Variants in FBXL17 observed in about 807,000 individuals in gnomAD.
FBXL17 encodes F-box/LRR-repeat protein 17.
In FBXL17, 22 loss-of-function variants were observed where a neutral mutation model predicts 66.2. The ratio of observed to expected loss-of-function variants is 0.33; its 90% CI spans 0.24 to 0.47. The LOEUF is 0.47. FBXL17 is among the 20% of genes least tolerant of loss of function. The pLI, the probability that FBXL17 is intolerant of heterozygous loss-of-function variation, is 1.00. For missense variants in FBXL17, 878 were observed against 948.2 expected (o/e 0.93, Z 0.97); for synonymous variants, 474 against 400.5 (o/e 1.18, Z -2.19).
intron 4 of FBXL17, chr5:108,298,012 C>T (rs1758418993): frequency 2.0e-6 from 2 of 984,560 alleles, no homozygotes; most frequent in African/African-American, 3.5e-5. Flanking sequence ...GCTACAGTCA[C>T]CAAAAGCAAT....
chr5:108,379,261 A>G (rs1273068152), intron 1 of FBXL17, among the ~76,000 whole-genome samples: 1 of 152,196 alleles, frequency 6.6e-6, no homozygotes, highest in Non-Finnish European at 1.5e-5. Flanking sequence ...TATTTGCCAA[A>G]TAAGAAGACA....
chr5:107,902,530 C>T (rs772511911), intron 7 of FBXL17, among the ~76,000 whole-genome samples: 11 of 152,104 alleles, frequency 7.2e-5, no homozygotes, highest in Non-Finnish European at 8.8e-5. Context: ...GTAGGAGTTG[C>T]GGCGGTCAAA....
At chr5:107,951,505 T>G (rs763237484) in intron 7 of FBXL17, among the ~76,000 whole-genome samples, 2 of 152,218 alleles carry the variant, frequency 1.3e-5, no homozygotes, top group Non-Finnish European at 2.9e-5. Context: ...GGCCTGGTGC[T>G]GCAATGCACC....
chr5:107,981,961 T>A (rs1752847656), intron 7 of FBXL17, among the ~76,000 whole-genome samples: 1 of 152,136 alleles, frequency 6.6e-6, no homozygotes, highest in African/African-American at 2.4e-5. Flanking sequence ...AGGTCTAAAC[T>A]AAGGCTGATT....
chr5:108,097,968 C>T (rs888340200), intron 6 of FBXL17, among the ~76,000 whole-genome samples: 1 of 151,978 alleles, frequency 6.6e-6, no homozygotes, highest in Non-Finnish European at 1.5e-5. Context: ...CTGTCCACAA[C>T]CCCTATAATG....
At chr5:108,023,561 A>G (rs1291490648) in intron 6 of FBXL17, among the ~76,000 whole-genome samples, 1 of 152,150 alleles carries the variant, frequency 6.6e-6, no homozygotes, top group East Asian at 1.9e-4. Context: ...GCAGTTCATG[A>G]TGAGAGATTG....
intron 5 of FBXL17, among the ~76,000 whole-genome samples, chr5:108,223,565 G>C (rs1032497221): frequency 6.6e-6 from 1 of 152,110 alleles, no homozygotes; most frequent in East Asian, 1.9e-4. Context: ...AAGCAGTAGA[G>C]ATGACACATC....
At chr5:108,114,947 C>T (rs1750184413) in intron 6 of FBXL17, among the ~76,000 whole-genome samples, 1 of 152,092 alleles carries the variant, frequency 6.6e-6, no homozygotes, top group Non-Finnish European at 1.5e-5. Flanking sequence ...TGTCTCTAAT[C>T]CTATACAGAA....
chr5:108,116,198 T>C (rs1166558115), intron 6 of FBXL17, among the ~76,000 whole-genome samples: 2 of 152,146 alleles, frequency 1.3e-5, no homozygotes, highest in African/African-American at 2.4e-5. Context: ...CTCTGCCTTA[T>C]ATACGTAAAA....
chr5:108,107,853 C>T (rs552375745), intron 6 of FBXL17, among the ~76,000 whole-genome samples: 2 of 151,184 alleles, frequency 1.3e-5, no homozygotes, highest in African/African-American at 4.9e-5. Flanking sequence ...AAAAGAGAGA[C>T]CTCATTCTCA....
chr5:108,370,383 G>C (rs1361421916), intron 1 of FBXL17, among the ~76,000 whole-genome samples: 1 of 152,006 alleles, frequency 6.6e-6, no homozygotes, highest in Non-Finnish European at 1.5e-5. Context: ...CTTGGGCCTC[G>C]GGAAAACAAC....
chr5:108,360,781 C>G (rs1165347178), intron 3 of FBXL17, among the ~76,000 whole-genome samples: 1 of 152,060 alleles, frequency 6.6e-6, no homozygotes, highest in Non-Finnish European at 1.5e-5. Flanking sequence ...TTTCTTCACT[C>G]TTTTTTCTTT....
intron 5 of FBXL17, among the ~76,000 whole-genome samples, chr5:108,216,090 C>A (rs934507930): frequency 2.6e-5 from 4 of 152,046 alleles, no homozygotes; most frequent in Non-Finnish European, 5.9e-5. Context: ...TGTTTTGGTT[C>A]TTATAGCTCT....
intron 6 of FBXL17, among the ~76,000 whole-genome samples, chr5:108,069,283 A>G (rs964863906): frequency 6.6e-6 from 1 of 152,218 alleles, no homozygotes; most frequent in Admixed American, 6.5e-5. Flanking sequence ...AAAGGTGGAT[A>G]TCAAAGATTT....
chr5:107,963,195 C>T (rs1210182267), intron 7 of FBXL17, among the ~76,000 whole-genome samples: 1 of 151,994 alleles, frequency 6.6e-6, no homozygotes, highest in African/African-American at 2.4e-5. Context: ...AGGGATTAGT[C>T]GAGGCATTAG....
chr5:108,336,010 C>T (rs1760365066), intron 4 of FBXL17, among the ~76,000 whole-genome samples: 1 of 152,068 alleles, frequency 6.6e-6, no homozygotes, highest in Non-Finnish European at 1.5e-5. Context: ...CCAAATGTCA[C>T]TTAATCCTCC....
intron 4 of FBXL17, among the ~76,000 whole-genome samples, chr5:108,272,239 C>T (rs773266501): frequency 4.0e-5 from 6 of 151,770 alleles, no homozygotes; most frequent in African/African-American, 1.2e-4. Context: ...TGCAGTGACC[C>T]GAGATCGCGC....
intron 7 of FBXL17, among the ~76,000 whole-genome samples, chr5:108,011,574 C>A (rs1319977527): frequency 1.3e-5 from 2 of 152,022 alleles, no homozygotes; most frequent in African/African-American, 4.8e-5. Context: ...GAGGCCAAGG[C>A]GTACAGGTCA....
chr5:107,910,383 C>T (rs965137841), intron 7 of FBXL17, among the ~76,000 whole-genome samples: 14 of 151,966 alleles, frequency 9.2e-5, no homozygotes, highest in South Asian at 4.1e-4. Context: ...GTCTTCAAAA[C>T]GACAAAATGA....
Sources: gnomAD v4.1 joint callset for allele counts (sites outside exome capture counted in the v4.1 genomes callset) on GRCh38, gnomAD v4.1.1 for gene constraint, MANE v1.5 for transcripts, NCBI Gene and HGNC (gene_info 2026-07-23, HGNC 2026-07-21) for gene names.